CACNA2D3: variants seen among roughly 807,000 people sequenced by gnomAD.
The protein encoded by CACNA2D3 is voltage-dependent calcium channel subunit alpha-2/delta-3.
In CACNA2D3, 60 loss-of-function variants were observed where a neutral mutation model predicts 160.6. That is an observed-to-expected ratio of 0.37 (90% CI 0.30 to 0.46). CACNA2D3 has a LOEUF of 0.46. Among genes scored for constraint, CACNA2D3 ranks in the 20% least tolerant of loss-of-function variants. The pLI, the probability that CACNA2D3 is intolerant of heterozygous loss-of-function variation, is 1.00. For synonymous variants in CACNA2D3, 558 were observed against 492.9 expected (o/e 1.13, Z -1.75); for missense variants, 1,205 against 1,365.0 (o/e 0.88, Z 1.85).
intron 11 of CACNA2D3, among the ~76,000 whole-genome samples, chr3:54,740,657 C>T (rs550704378): frequency 9.5e-4 from 145 of 152,306 alleles, no homozygotes; most frequent in African/African-American, 3.4e-3. Context: ...ACACTGTCCT[C>T]AGCAATATCC....
intron 4 of CACNA2D3, among the ~76,000 whole-genome samples, chr3:54,415,568 T>C (rs1699741164): frequency 6.6e-6 from 1 of 152,344 alleles, no homozygotes; most frequent in Non-Finnish European, 1.5e-5. Flanking sequence ...TTTCTCCTTG[T>C]TGGTAATAAT....
chr3:54,124,795 T>C (rs1210859981), intron 2 of CACNA2D3, among the ~76,000 whole-genome samples: 1 of 152,256 alleles, frequency 6.6e-6, no homozygotes, highest in Non-Finnish European at 1.5e-5. Flanking sequence ...GATTGCTTGC[T>C]CAACTCTGTT....
At chr3:54,851,111 G>A (rs917376677) in intron 17 of CACNA2D3, among the ~76,000 whole-genome samples, 1 of 152,202 alleles carries the variant, frequency 6.6e-6, no homozygotes. Flanking sequence ...GTTGTTGTTG[G>A]TATTAGTATA....
intron 3 of CACNA2D3, among the ~76,000 whole-genome samples, chr3:54,368,043 G>A (rs1698856241): frequency 6.6e-6 from 1 of 152,176 alleles, no homozygotes; most frequent in Admixed American, 6.5e-5. Flanking sequence ...CATAGATTAG[G>A]TGGTTTGTCT....
At chr3:54,716,862 G>A (rs1701060127) in intron 11 of CACNA2D3, among the ~76,000 whole-genome samples, 1 of 150,822 alleles carries the variant, frequency 6.6e-6, no homozygotes, top group African/African-American at 2.4e-5. Context: ...TTTATGTGGA[G>A]CATTTCAAAA....
At chr3:54,718,165 A>G (rs1451256341) in intron 11 of CACNA2D3, among the ~76,000 whole-genome samples, 2 of 152,160 alleles carry the variant, frequency 1.3e-5, no homozygotes, top group African/African-American at 4.8e-5. Flanking sequence ...TAGACTGAGA[A>G]TATCTTCTCC....
At chr3:54,779,523 G>GTATTTCCCCCAAGTTC (rs1702492434) in intron 13 of CACNA2D3, among the ~76,000 whole-genome samples, 3 of 152,082 alleles carry the variant, frequency 2.0e-5, no homozygotes, top group Non-Finnish European at 4.4e-5. Context: ...GCTTTTTTCT[G>GTATTTCCCCCAAGTTC]TATTTCCCCC....
At chr3:54,438,049 G>C (rs535484547) in intron 4 of CACNA2D3, among the ~76,000 whole-genome samples, 220 of 152,156 alleles carry the variant, frequency 1.4e-3, no homozygotes, top group Non-Finnish European at 2.5e-3. Context: ...GAAACAACTA[G>C]AGTTATAAAA....
chr3:54,254,796 A>G (rs1575347309), intron 2 of CACNA2D3, among the ~76,000 whole-genome samples: 1 of 152,332 alleles, frequency 6.6e-6, no homozygotes, highest in African/African-American at 2.4e-5. Flanking sequence ...TGCTGTGCAC[A>G]GCAGCTTGTA....
intron 2 of CACNA2D3, among the ~76,000 whole-genome samples, chr3:54,216,984 T>C (rs1701474578): frequency 6.6e-6 from 1 of 151,884 alleles, no homozygotes; most frequent in African/African-American, 2.4e-5. Context: ...GACAAGTGCG[T>C]GGAGAAGGTA....
chr3:54,581,366 G>T (rs898751323), intron 8 of CACNA2D3, among the ~76,000 whole-genome samples: 33 of 152,164 alleles, frequency 2.2e-4, no homozygotes, highest in African/African-American at 7.5e-4. Context: ...GGCTTATTCT[G>T]TCCCCACTTG....
At position 54,811,488 on chromosome 3, in the gene CACNA2D3, T is replaced by A. The variant is rs1315082953; in HGVS notation, c.1381-5365T>A. ...TTCTTTTTTTTTTTTTTTTTTTTTT[T>A]TTTTTTTTTTTTTTTTTTTTTTTTT... is the stretch of plus-strand genomic sequence containing the variant. On this transcript the variant is annotated intron_variant, in intron 13 of 37. Coordinates refer to ENST00000474759, the MANE Select transcript of CACNA2D3 (RefSeq NM_018398.3). Among the ~76,000 whole-genome samples the A allele has an allele frequency of 7.9e-3, 966 of 121,594 alleles. 42 individuals are homozygous for A. The highest frequency in any genetic ancestry group is 0.032 in the African/African-American group (927 of 29,344). 79.8% of individuals were successfully genotyped at this position (121,594 alleles called of 152,430 possible). A position where few individuals can be genotyped will look rare whatever the true frequency, so the allele number is the denominator to read the frequency against.
intron 27 of CACNA2D3, among the ~76,000 whole-genome samples, chr3:54,929,233 C>T (rs977963339): frequency 5.9e-5 from 9 of 152,098 alleles, no homozygotes; most frequent in African/African-American, 2.2e-4. Flanking sequence ...CCTTACTTTA[C>T]CAGGCTGTGC....
Position 54,687,115 on chromosome 3 carries a change from C to CTTT in CACNA2D3, c.1167+44877_1167+44879dup, listed in dbSNP as rs1338617031. Among the ~76,000 whole-genome samples, 31 of 40,862 alleles carry CTTT rather than the reference C, an allele frequency of 7.6e-4. 1 individual carries two copies. Among genetic ancestry groups the CTTT allele is most frequent in the Non-Finnish European group, 1.2e-3 (24 of 19,620 alleles). The allele number at this position is 40,862 out of a possible 152,430, so 26.8% of individuals were successfully genotyped here. ...TTATTCAAATCGGATTTTTCTTTTT[C>CTTT]TTTTTCTTTTTTTTTTTTTGTTTTT... On this transcript the variant is annotated intron_variant, in intron 11 of 37. Transcript: ENST00000474759.
At chr3:54,534,698 G>A (rs1701860075) in intron 5 of CACNA2D3, among the ~76,000 whole-genome samples, 1 of 152,126 alleles carries the variant, frequency 6.6e-6, no homozygotes, top group Non-Finnish European at 1.5e-5. Context: ...CAAGGCTAGA[G>A]GATTGCTTGA....
chr3:55,057,083 G>A (rs935007102), intron 35 of CACNA2D3, among the ~76,000 whole-genome samples: 7 of 152,124 alleles, frequency 4.6e-5, no homozygotes, highest in Non-Finnish European at 8.8e-5. Context: ...CCCGGTGGGA[G>A]GTAATTGAAT....
At chr3:54,335,433 G>A (rs1372030634) in intron 3 of CACNA2D3, among the ~76,000 whole-genome samples, 1 of 152,186 alleles carries the variant, frequency 6.6e-6, no homozygotes, top group Admixed American at 6.5e-5. Context: ...TCCCTTTTTA[G>A]ACCATATAGG....
intron 13 of CACNA2D3, among the ~76,000 whole-genome samples, chr3:54,810,497 C>G (rs1347122299): frequency 6.6e-6 from 1 of 152,140 alleles, no homozygotes; most frequent in Non-Finnish European, 1.5e-5. Flanking sequence ...ATTATACATG[C>G]AAGCATCCAC....
intron 4 of CACNA2D3, among the ~76,000 whole-genome samples, chr3:54,465,832 A>G (rs1367877057): frequency 6.6e-6 from 1 of 152,106 alleles, no homozygotes; most frequent in East Asian, 1.9e-4. Flanking sequence ...GGCTTGGCTG[A>G]TTTTTCTGCC....
Sources: allele counts gnomAD v4.1 joint callset (sites outside exome capture counted in the v4.1 genomes callset), GRCh38; gene constraint gnomAD v4.1.1; transcripts MANE v1.5; gene names NCBI Gene and HGNC (gene_info 2026-07-23, HGNC 2026-07-21).